The following NUDCD3 variants were observed in gnomAD, a reference collection of about 807,000 sequenced individuals.
NUDCD3 encodes nudC domain-containing protein 3.
Under a neutral mutation model 39.7 loss-of-function variants are expected in NUDCD3, and 13 were observed. That is an observed-to-expected ratio of 0.33 (90% CI 0.21 to 0.52). The LOEUF is 0.52. Among genes scored for constraint, NUDCD3 ranks in the 20% least tolerant of loss-of-function variants. The pLI is 0.96. For missense variants in NUDCD3, 453 were observed against 458.1 expected (o/e 0.99, Z 0.10); for synonymous variants, 175 against 172.4 (o/e 1.02, Z -0.12).
intron 2 of NUDCD3, among the ~76,000 whole-genome samples, chr7:44,428,123 TAAAAAAAAAAAAAAAAA>T (rs55642004): frequency 1.3e-5 from 1 of 76,102 alleles, no homozygotes; most frequent in Non-Finnish European, 2.5e-5. Flanking sequence ...GGTCAATCTT[TAAAAAAAAAAAAAAAAA>T]AAAAAAAAAA....
chr7:44,398,804 G>A (rs773316307), intron 4 of NUDCD3, among the ~76,000 whole-genome samples: 4 of 152,178 alleles, frequency 2.6e-5, no homozygotes, highest in East Asian at 1.9e-4. Flanking sequence ...ACCTCAGAGC[G>A]AGGGCAGATA....
intron 1 of NUDCD3, among the ~76,000 whole-genome samples, chr7:44,487,090 CA>C (rs201250967): frequency 2.0e-5 from 3 of 151,478 alleles, no homozygotes; most frequent in Non-Finnish European, 4.4e-5. Context: ...AAGTGGACTC[CA>C]AAAAAAACAG....
At chr7:44,432,045 G>A (rs1799374368) in intron 2 of NUDCD3, among the ~76,000 whole-genome samples, 1 of 152,154 alleles carries the variant, frequency 6.6e-6, no homozygotes, top group Admixed American at 6.5e-5. Flanking sequence ...CGATTTGGGA[G>A]GCCAAAACAG....
chr7:44,467,247 T>C (rs1377853415), intron 2 of NUDCD3, among the ~76,000 whole-genome samples: 1 of 152,122 alleles, frequency 6.6e-6, no homozygotes, highest in Non-Finnish European at 1.5e-5. Flanking sequence ...GTCCTCACAA[T>C]AATACCACCC....
chr7:44,428,209 G>T (rs924271909), intron 2 of NUDCD3, among the ~76,000 whole-genome samples: 2 of 151,446 alleles, frequency 1.3e-5, no homozygotes, highest in Admixed American at 1.3e-4. Context: ...CCAAGGGCGG[G>T]TGAATCACCT....
chr7:44,434,890 G>A (rs970205671), intron 2 of NUDCD3, among the ~76,000 whole-genome samples: 5 of 152,220 alleles, frequency 3.3e-5, no homozygotes, highest in African/African-American at 9.7e-5. Flanking sequence ...AAAGGTAGCT[G>A]TGAGGAACAA....
intron 4 of NUDCD3, among the ~76,000 whole-genome samples, chr7:44,393,745 A>C (rs567940818): frequency 6.6e-6 from 1 of 152,330 alleles, no homozygotes; most frequent in Admixed American, 6.5e-5. Context: ...AAAAGGTAGC[A>C]AAGGGCCCGC....
At chr7:44,461,304 C>G (rs145966649) in intron 2 of NUDCD3, among the ~76,000 whole-genome samples, 2 of 152,350 alleles carry the variant, frequency 1.3e-5, no homozygotes, top group East Asian at 3.9e-4. Flanking sequence ...TCCCCCTAAA[C>G]TGTGAGCCCC....
In NUDCD3 at chr7:44,385,489, CAA is replaced by C. The variant is rs143588104; in HGVS notation, c.*520_*521del. The C allele has an allele frequency of 0.016, 2,540 of 155,428 alleles. 54 individuals carry two copies. Among genetic ancestry groups the C allele is most frequent in the African/African-American group, 0.057 (2,377 of 41,494 alleles). The allele number at this position is 155,428 out of a possible 1,614,324, so 9.6% of individuals were successfully genotyped here. ...AGCAAGAAGACCACGTGAATGCTCT[CAA>C]AAGAGGTCAAGGGGCAAGGAGTTTC... On this transcript the variant is annotated 3_prime_UTR_variant, in exon 6 of 6. Coordinates refer to ENST00000355451, the MANE Select transcript of NUDCD3 (RefSeq NM_015332.4).
chr7:44,400,451 G>C (rs556191815), intron 4 of NUDCD3, among the ~76,000 whole-genome samples: 9 of 152,326 alleles, frequency 5.9e-5, no homozygotes, highest in Middle Eastern at 3.4e-3. Flanking sequence ...TAACCAAGGA[G>C]CTGAGGGTGG....
intron 2 of NUDCD3, among the ~76,000 whole-genome samples, chr7:44,459,888 C>A (rs1218220243): frequency 5.9e-5 from 9 of 152,190 alleles, no homozygotes; most frequent in African/African-American, 2.2e-4. Flanking sequence ...ACTGATCATA[C>A]TCTTCAAGTT....
At chr7:44,485,395 A>G in intron 1 of NUDCD3, 111 bp from the exon 2 acceptor site, 1 of 980,112 alleles carries the variant, frequency 1.0e-6, no homozygotes, top group Non-Finnish European at 1.5e-6. Context: ...TCAGAAACTG[A>G]CAAGTTTTCC....
rs540630443 is a variant in NUDCD3 at position 44,385,982 on chromosome 7, C to A, written c.*29G>T. 7.8e-6 allele frequency: 9 copies of A among 1,150,050 alleles called. No individual in the cohort carries two copies. The African/African-American group carries it at 9.1e-5, about 12-fold the overall frequency. The allele number at this position is 1,150,050 out of a possible 1,614,324, so 71.2% of individuals were successfully genotyped here. A position where few individuals can be genotyped will look rare whatever the true frequency, so the allele number is the denominator to read the frequency against. ...CCGAGGATAAGGCTCTGCCTCCCCA[C>A]CGGCGAGGGTTTCCTTTCCTTCTGG... On this transcript the variant is annotated 3_prime_UTR_variant, in exon 6 of 6. Coordinates refer to ENST00000355451, the MANE Select transcript of NUDCD3 (RefSeq NM_015332.4).
rs1798304863 is a variant in NUDCD3 at position 44,381,522 on chromosome 7, CT to C, written c.*4488del. On this transcript the variant is annotated 3_prime_UTR_variant, in exon 6 of 6. Coordinates refer to ENST00000355451, the MANE Select transcript of NUDCD3 (RefSeq NM_015332.4). ...CAGCCACATGGCCTTGGGAGTGTTACTTACTCCTGTGATTGTAGCACAATGA... is the reference window on the plus strand; with the variant it reads ...CAGCCACATGGCCTTGGGAGTGTTACTACTCCTGTGATTGTAGCACAATGA... The C allele has an allele frequency of 6.6e-6, 1 of 152,276 alleles. No individual in the cohort carries two copies. Among genetic ancestry groups the C allele is most frequent in the Non-Finnish European group, 1.5e-5 (1 of 68,118 alleles). The allele number at this position is 152,276 out of a possible 1,614,324, so 9.4% of individuals were successfully genotyped here.
intron 2 of NUDCD3, among the ~76,000 whole-genome samples, chr7:44,430,737 G>T (rs1446334116): frequency 6.6e-6 from 1 of 152,138 alleles, no homozygotes; most frequent in African/African-American, 2.4e-5. Context: ...CCTTGGGGAC[G>T]CTGCCGCCAG....
At chr7:44,489,123 G>C (rs999003660) in intron 1 of NUDCD3, among the ~76,000 whole-genome samples, 1 of 152,202 alleles carries the variant, frequency 6.6e-6, no homozygotes, top group East Asian at 1.9e-4. Flanking sequence ...CGGTGAACTG[G>C]CTGTGTGTTC....
rs183323548 is a variant in NUDCD3 at position 44,412,694 on chromosome 7, G to A, written c.643-8111C>T. 2.4e-4 allele frequency among the ~76,000 whole-genome samples: 36 copies of A among 152,130 alleles called. No individual in the cohort carries two copies. The East Asian group carries it at 3.5e-3, about 15-fold the overall frequency. Reference sequence around the variant, plus strand: ...TATAATCTCAGCACTTTGGGAGGCCGAGGCAGGTGGATCATGAGGTCAGGA... The same window carrying A: ...TATAATCTCAGCACTTTGGGAGGCCAAGGCAGGTGGATCATGAGGTCAGGA... On this transcript the variant is annotated intron_variant, in intron 3 of 5. Transcript: ENST00000355451.
In NUDCD3 at chr7:44,396,828, G is replaced by A. The variant is rs1798634635; in HGVS notation, c.787-4343C>T. Among the ~76,000 whole-genome samples the A allele has an allele frequency of 1.3e-5, 2 of 152,136 alleles. 1 individual carries two copies. Among genetic ancestry groups the A allele is most frequent in the South Asian group, 4.1e-4 (2 of 4,820 alleles). The stretch of plus-strand genomic sequence containing the variant: ...TACAGGTCTTGCAGGGCTGTCTTCC[G>A]ACACCCAGTGCAAGATGCAGTTCTG... On this transcript the variant is annotated intron_variant, in intron 4 of 5. Coordinates refer to ENST00000355451, the MANE Select transcript of NUDCD3 (RefSeq NM_015332.4).
At chr7:44,478,523 A>C (rs1800427483) in intron 2 of NUDCD3, among the ~76,000 whole-genome samples, 1 of 152,216 alleles carries the variant, frequency 6.6e-6, no homozygotes, top group Non-Finnish European at 1.5e-5. Flanking sequence ...ATTGCACTCC[A>C]GCCTGGGCAA....
Sources: gnomAD v4.1 joint callset for allele counts (sites outside exome capture counted in the v4.1 genomes callset) on GRCh38, gnomAD v4.1.1 for gene constraint, MANE v1.5 for transcripts, NCBI Gene and HGNC (gene_info 2026-07-23, HGNC 2026-07-21) for gene names.